STX2: variants seen among roughly 807,000 people sequenced by gnomAD.
The protein encoded by STX2 is syntaxin 2, also known as syntaxin-2.
Under a neutral mutation model 40.6 loss-of-function variants are expected in STX2, and 27 were observed. The ratio of observed to expected loss-of-function variants is 0.66; its 90% CI spans 0.49 to 0.92. The LOEUF is 0.92. Among genes scored for constraint, STX2 ranks in the 40% least tolerant of loss-of-function variants. The pLI, the probability that STX2 is intolerant of heterozygous loss-of-function variation, is 0.00. For synonymous variants in STX2, 123 were observed against 119.1 expected (o/e 1.03, Z -0.22); for missense variants, 328 against 366.1 (o/e 0.90, Z 0.85).
intron 3 of STX2, 21 bp downstream of exon 3, chr12:130,821,668 T>A (rs1467495758): frequency 2.5e-6 from 4 of 1,595,684 alleles, no homozygotes; most frequent in Admixed American, 3.3e-5. Flanking sequence ...AAACGTTTTG[T>A]TGTGAAAACC....
At chr12:130,824,638 T>C (rs1241073634) in intron 2 of STX2, among the ~76,000 whole-genome samples, 1 of 152,074 alleles carries the variant, frequency 6.6e-6, no homozygotes, top group Non-Finnish European at 1.5e-5. Context: ...TTGGCTCCAT[T>C]ATAAATCATC....
chr12:130,820,805 C>T (rs1244876352), intron 3 of STX2, among the ~76,000 whole-genome samples: 1 of 152,208 alleles, frequency 6.6e-6, no homozygotes, highest in Non-Finnish European at 1.5e-5. Context: ...CACAGACCGG[C>T]ATTAAAGGCG....
chr12:130,819,156 G>A (rs933908966), intron 3 of STX2, among the ~76,000 whole-genome samples: 1 of 152,168 alleles, frequency 6.6e-6, no homozygotes, highest in East Asian at 1.9e-4. Context: ...GCCACCTGGC[G>A]GCCGCCGTGC....
intron 1 of STX2, among the ~76,000 whole-genome samples, chr12:130,832,223 T>C (rs1952591632): frequency 6.6e-6 from 1 of 152,142 alleles, no homozygotes. Flanking sequence ...TATATTGCTC[T>C]AGTGTTAGGT....
chr12:130,822,261 A>G (rs545556197), intron 2 of STX2, among the ~76,000 whole-genome samples: 95 of 152,204 alleles, frequency 6.2e-4, no homozygotes, highest in African/African-American at 2.1e-3. Context: ...TACTAAACGT[A>G]CAAAAATTAG....
chr12:130,828,483 G>A (rs71468450), intron 1 of STX2, among the ~76,000 whole-genome samples: 4 of 140,902 alleles, frequency 2.8e-5, no homozygotes, highest in Non-Finnish European at 3.0e-5. Context: ...CATGCAATCC[G>A]CCCGCCTCAC....
At chr12:130,805,174 A>G (rs774294613) in intron 6 of STX2, among the ~76,000 whole-genome samples, 24 of 152,228 alleles carry the variant, frequency 1.6e-4, no homozygotes, top group Admixed American at 3.3e-4. Flanking sequence ...TTTCATAGAA[A>G]AGCAGTCTAG....
intron 1 of STX2, 114 bp from the exon 2 acceptor site, chr12:130,827,381 A>T: frequency 1.4e-6 from 1 of 731,254 alleles, no homozygotes; most frequent in Admixed American, 2.2e-5. Flanking sequence ...CTACAGCACC[A>T]AATTGTAACA....
At chr12:130,808,374 A>G (rs1017166688) in intron 5 of STX2, among the ~76,000 whole-genome samples, 1 of 152,124 alleles carries the variant, frequency 6.6e-6, no homozygotes, top group African/African-American at 2.4e-5. Context: ...TGAAGTCCTC[A>G]AAACCCTCTT....
chr12:130,796,867 GA>G (rs1279135953), intron 9 of STX2, among the ~76,000 whole-genome samples: 7 of 148,810 alleles, frequency 4.7e-5, no homozygotes, highest in South Asian at 2.1e-4. Flanking sequence ...ATAGCACACA[GA>G]AAAAAAAAAC....
chr12:130,815,129 A>G (rs1418472438), intron 3 of STX2, among the ~76,000 whole-genome samples: 1 of 152,214 alleles, frequency 6.6e-6, no homozygotes, highest in Non-Finnish European at 1.5e-5. Flanking sequence ...GGATGAAACT[A>G]GAAAAAAAGA....
chr12:130,837,131 A>G (rs1301412250), intron 1 of STX2, among the ~76,000 whole-genome samples: 1 of 149,000 alleles, frequency 6.7e-6, no homozygotes, highest in Admixed American at 6.7e-5. Flanking sequence ...TTTATGAGAC[A>G]ATGTCTCACT....
At chr12:130,834,521 C>T (rs148818615) in intron 1 of STX2, among the ~76,000 whole-genome samples, 17 of 152,272 alleles carry the variant, frequency 1.1e-4, no homozygotes, top group Non-Finnish European at 2.1e-4. Flanking sequence ...GATCTGGGCT[C>T]CTAGGGAGCT....
intron 8 of STX2, among the ~76,000 whole-genome samples, chr12:130,800,167 G>A (rs973656094): frequency 1.3e-5 from 2 of 152,122 alleles, no homozygotes; most frequent in Non-Finnish European, 2.9e-5. Context: ...GAAAAATAAC[G>A]AGAAGACCTT....
At chr12:130,814,613 A>G (rs1467151523) in intron 3 of STX2, among the ~76,000 whole-genome samples, 1 of 146,098 alleles carries the variant, frequency 6.8e-6, no homozygotes, top group Admixed American at 6.9e-5. Flanking sequence ...ATCAGCAAAG[A>G]TGCATTAGAA....
Position 130,791,933 on chromosome 12 carries a change from G to A in STX2, c.*90C>T. On this transcript the variant is annotated 3_prime_UTR_variant, in exon 11 of 11. Coordinates refer to ENST00000392373, the MANE Select transcript of STX2 (RefSeq NM_194356.4). ...ATGTTGTTGCTAGGATAATTCCAAG[G>A]ATCACAAGCAAAACAATTACACAAA... is the stretch of plus-strand genomic sequence containing the variant. The A allele has an allele frequency of 6.2e-7, 1 of 1,610,552 alleles. No individual in the cohort carries two copies. The highest frequency in any genetic ancestry group is 2.2e-5 in the East Asian group (1 of 44,666).
rs372170677 is a variant in STX2 at position 130,791,522 on chromosome 12, T to C, written c.*501A>G. ...GCCTGGATGACAAAGCGAGACTCCGTCTCAAAAAAAAAAAAAAAAGCCTTC... is the reference window on the plus strand; with the variant it reads ...GCCTGGATGACAAAGCGAGACTCCGCCTCAAAAAAAAAAAAAAAAGCCTTC... On this transcript the variant is annotated 3_prime_UTR_variant, in exon 11 of 11. Transcript: ENST00000392373. 44 of 149,376 alleles carry C rather than the reference T, an allele frequency of 2.9e-4. No homozygotes were observed. The East Asian group carries it at 3.9e-3, about 13-fold the overall frequency. 9.3% of individuals were successfully genotyped at this position (149,376 alleles called of 1,614,324 possible).
chr12:130,833,128 C>T (rs1348768754), intron 1 of STX2, among the ~76,000 whole-genome samples: 2 of 152,150 alleles, frequency 1.3e-5, no homozygotes, highest in African/African-American at 4.8e-5. Flanking sequence ...GGCACCCAGC[C>T]GCCAGTCAGT....
intron 1 of STX2, among the ~76,000 whole-genome samples, chr12:130,831,866 A>ATTTTT (rs60003050): frequency 1.9e-5 from 2 of 106,626 alleles, no homozygotes; most frequent in African/African-American, 6.4e-5. Flanking sequence ...CACTTCTGCA[A>ATTTTT]TTTTTTTTTT....
Sources: allele counts gnomAD v4.1 joint callset (sites outside exome capture counted in the v4.1 genomes callset), GRCh38; gene constraint gnomAD v4.1.1; transcripts MANE v1.5; gene names NCBI Gene and HGNC (gene_info 2026-07-23, HGNC 2026-07-21).